Variants in PTGES3 observed in about 807,000 individuals in gnomAD.
PTGES3 encodes the protein Hsp90 co-chaperone.
PTGES3 carries 5 observed loss-of-function variants against 29.9 expected under a neutral mutation model. That is an observed-to-expected ratio of 0.17 (90% confidence interval 0.09 to 0.35). The LOEUF (loss-of-function observed/expected upper bound fraction) is 0.35, where lower values mean the gene tolerates loss of function less well. Ranked by LOEUF, PTGES3 falls within the 10% of genes least tolerant of loss-of-function variation. PTGES3 has a pLI of 1.00. For synonymous variants in PTGES3, 49 were observed against 57.8 expected, an observed-to-expected ratio of 0.85 and a Z score of 0.69; for missense variants, 128 against 190.0, an observed-to-expected ratio of 0.67 and a Z score of 1.92.
chr12:56,680,399 T>TGGG (rs543263647), intron 1 of PTGES3, among the ~76,000 whole-genome samples: 4 of 150,134 alleles, frequency 2.7e-5, no homozygotes, highest in Admixed American at 1.3e-4. Flanking sequence ...TTTTTTTTTT[T>TGGG]GGGGGGACAG....
intron 1 of PTGES3, among the ~76,000 whole-genome samples, chr12:56,685,450 G>A (rs537875972): frequency 4.1e-5 from 6 of 147,878 alleles, no homozygotes; most frequent in African/African-American, 1.5e-4. Flanking sequence ...GCCCAGGCTG[G>A]AGTACAGTGG....
chr12:56,683,037 G>A lies in PTGES3; in HGVS notation c.2+4961C>T, dbSNP rs546524159. Among the ~76,000 whole-genome samples, 27 of 151,880 alleles carry A rather than the reference G, an allele frequency of 1.8e-4. No homozygotes were observed. In the South Asian group the frequency reaches 5.6e-3, roughly 32 times the overall value. On this transcript the variant is annotated intron_variant, in intron 1 of 7. Transcript: ENST00000262033. ...TACAAAGGTATACCGAGGAAGCAGG[G>A]AAGCAGCCTCATTCTAGAATCTATC...
intron 1 of PTGES3, chr12:56,687,394 T>G (rs1023378941): frequency 2.0e-6 from 2 of 987,080 alleles, no homozygotes; most frequent in South Asian, 9.4e-5. Context: ...GAGACTGGAG[T>G]TAGGAGGCGG....
At chr12:56,676,858 T>G (rs1419744145) in intron 1 of PTGES3, among the ~76,000 whole-genome samples, 1 of 129,442 alleles carries the variant, frequency 7.7e-6, no homozygotes, top group Non-Finnish European at 1.5e-5. Context: ...GTGGTGGAGG[T>G]TGCAGTGAGC....
intron 6 of PTGES3, 52 bp from the exon 7 acceptor site, chr12:56,664,852 C>A (rs746456931): frequency 1.3e-6 from 2 of 1,586,968 alleles, no homozygotes; most frequent in African/African-American, 1.4e-5. Flanking sequence ...CGTTTGCTAA[C>A]TGAACAGTTT....
intron 1 of PTGES3, among the ~76,000 whole-genome samples, chr12:56,676,920 CAAAAAAA>C (rs34739170): frequency 5.3e-4 from 27 of 50,550 alleles, no homozygotes; most frequent in Admixed American, 1.9e-3. Context: ...GATTCCGACT[CAAAAAAA>C]AAAAAAAAAA....
intron 1 of PTGES3, among the ~76,000 whole-genome samples, chr12:56,677,968 GTAC>G (rs1952343002): frequency 1.3e-5 from 2 of 152,176 alleles, no homozygotes; most frequent in South Asian, 4.1e-4. Context: ...AAGTTTTATA[GTAC>G]TACAGCTGAT....
chr12:56,673,412 T>G (rs1952083408), intron 1 of PTGES3, among the ~76,000 whole-genome samples: 1 of 144,848 alleles, frequency 6.9e-6, no homozygotes, highest in African/African-American at 2.6e-5. Context: ...GGTGGGTCAC[T>G]TGAGGCCAGG....
rs1475536601 is a variant in PTGES3, at chr12:56,664,861, T to C, written c.439-61A>G. 32 of 1,577,828 alleles carry C rather than the reference T, an allele frequency of 2.0e-5. No individual in the cohort carries two copies. The Admixed American group carries it at 6.4e-4, about 32-fold the overall frequency. Reference sequence around the variant, plus strand: ...AATATTCGTTTGCTAACTGAACAGTTTACCTAAAAAAGTTCAAGTGCTATA... The same window carrying C: ...AATATTCGTTTGCTAACTGAACAGTCTACCTAAAAAAGTTCAAGTGCTATA... On this transcript the variant is annotated intron_variant, in intron 6 of 7. Transcript: ENST00000262033.
intron 1 of PTGES3, among the ~76,000 whole-genome samples, chr12:56,676,491 G>A (rs1952255694): frequency 6.6e-6 from 1 of 152,070 alleles, no homozygotes; most frequent in Admixed American, 6.6e-5. Flanking sequence ...TTGACCTTGA[G>A]TCTTTCTTGA....
intron 4 of PTGES3, among the ~76,000 whole-genome samples, chr12:56,671,144 G>C (rs1235639343): frequency 6.6e-6 from 1 of 152,020 alleles, no homozygotes; most frequent in Non-Finnish European, 1.5e-5. Context: ...CATGCCTGTA[G>C]TCCCAGCACT....
chr12:56,664,803 G>C lies in PTGES3; in HGVS notation c.439-3C>G. 6.3e-7 allele frequency: 1 copy of C among 1,597,358 alleles called. No homozygotes were observed. The highest frequency in any genetic ancestry group is 8.6e-7 in the Non-Finnish European group (1 of 1,168,274). ...TCATCATCACTGTCTTGTGAATCCTGAAAGAGGGAAAATAAAGTTACCGAG... is the reference window on the plus strand; with the variant it reads ...TCATCATCACTGTCTTGTGAATCCTCAAAGAGGGAAAATAAAGTTACCGAG... On this transcript the variant is annotated splice_region_variant and splice_polypyrimidine_tract_variant and intron_variant, in intron 6 of 7. Coordinates refer to ENST00000262033, the MANE Select transcript of PTGES3 (RefSeq NM_006601.7).
rs1022400508 is a variant in PTGES3, at chr12:56,664,394, C to A, written c.*85G>T. ...AAATACAGCATATCTGCCTTTAGAG[C>A]TATCAACTCAGGAATTCTCTCAATT... On this transcript the variant is annotated 3_prime_UTR_variant, in exon 8 of 8. Transcript: ENST00000262033. The A allele has an allele frequency of 2.2e-5, 32 of 1,473,484 alleles. No individual in the cohort carries two copies. The highest frequency in any genetic ancestry group is 3.0e-5 in the Non-Finnish European group (32 of 1,071,514). 91.3% of individuals were successfully genotyped at this position (1,473,484 alleles called of 1,614,324 possible).
intron 1 of PTGES3, among the ~76,000 whole-genome samples, chr12:56,675,005 A>AAAAAAG (rs1952172946): frequency 2.7e-5 from 1 of 37,706 alleles, no homozygotes. Context: ...ACTCGGTCTC[A>AAAAAAG]AAAAAAAAAA....
At chr12:56,684,354 T>C (rs1449135504) in intron 1 of PTGES3, among the ~76,000 whole-genome samples, 10 of 152,096 alleles carry the variant, frequency 6.6e-5, no homozygotes, top group African/African-American at 9.7e-5. Context: ...GGAAGAAAAA[T>C]TAAAAATCCA....
intron 7 of PTGES3, 126 bp from the exon 8 acceptor site, chr12:56,664,624 G>A (rs921360460): frequency 2.2e-6 from 3 of 1,371,542 alleles, no homozygotes; most frequent in Non-Finnish European, 3.0e-6. Context: ...AGGTTGTCTT[G>A]CTATCAAGTT....
chr12:56,669,619 T>G (rs1951924187), intron 5 of PTGES3, among the ~76,000 whole-genome samples: 1 of 151,586 alleles, frequency 6.6e-6, no homozygotes, highest in African/African-American at 2.4e-5. Flanking sequence ...CGTTCTGCAT[T>G]TATTTATTTA....
intron 1 of PTGES3, among the ~76,000 whole-genome samples, chr12:56,678,478 G>C (rs1565871693): frequency 2.0e-5 from 3 of 152,108 alleles, no homozygotes; most frequent in African/African-American, 4.8e-5. Flanking sequence ...TACCCAGCCT[G>C]TTTTGTCTTT....
At position 56,664,326 on chromosome 12, in the gene PTGES3, C is replaced by A; in HGVS notation, c.*153G>T. ...TGGTACATATCAACCCTTAGTGAAG[C>A]CTTTTAAAAAACAAACAGGTTGAAA... is the stretch of plus-strand genomic sequence containing the variant. On this transcript the variant is annotated 3_prime_UTR_variant, in exon 8 of 8. Transcript: ENST00000262033. 1 of 808,892 alleles carries A rather than the reference C, an allele frequency of 1.2e-6. No homozygotes were observed. The highest frequency in any genetic ancestry group is 1.6e-5 in the South Asian group (1 of 61,454). The allele number at this position is 808,892 out of a possible 1,614,324, so 50.1% of individuals were successfully genotyped here.
Sources: gnomAD v4.1 joint callset for allele counts (sites outside exome capture counted in the v4.1 genomes callset) on GRCh38, gnomAD v4.1.1 for gene constraint, MANE v1.5 for transcripts, NCBI Gene and HGNC (gene_info 2026-07-23, HGNC 2026-07-21) for gene names.